VRK2: variants seen among roughly 807,000 people sequenced by gnomAD.
VRK2 encodes VRK serine/threonine kinase 2.
VRK2 carries 60 observed loss-of-function variants against 57.6 expected under a neutral mutation model. The ratio of observed to expected loss-of-function variants is 1.04; its 90% CI spans 0.85 to 1.29. VRK2 has a LOEUF of 1.29. Among genes scored for constraint, VRK2 ranks in the 50% most tolerant of loss-of-function variants. VRK2 has a pLI of 0.00. For missense variants in VRK2, 705 were observed against 588.1 expected (o/e 1.20, Z -2.06); for synonymous variants, 231 against 199.2 (o/e 1.16, Z -1.35).
chr2:58,052,458 G>C (rs1422515111), intron 2 of VRK2, among the ~76,000 whole-genome samples: 2 of 151,980 alleles, frequency 1.3e-5, no homozygotes, highest in African/African-American at 4.8e-5. Flanking sequence ...CAAAAAATTA[G>C]CTGGTTGTGG....
intron 1 of VRK2, among the ~76,000 whole-genome samples, chr2:57,968,149 T>C (rs1282414219): frequency 6.6e-6 from 1 of 151,656 alleles, no homozygotes; most frequent in Non-Finnish European, 1.5e-5. Flanking sequence ...AAAGCCAACC[T>C]GAAACTGCAA....
intron 1 of VRK2, among the ~76,000 whole-genome samples, chr2:57,959,222 C>T (rs1039266679): frequency 8.5e-5 from 13 of 152,080 alleles, no homozygotes; most frequent in African/African-American, 2.7e-4. Context: ...TTAAATAGCA[C>T]AAGGCAATTT....
At chr2:57,930,176 G>A (rs1418367510) in intron 1 of VRK2, among the ~76,000 whole-genome samples, 2 of 152,164 alleles carry the variant, frequency 1.3e-5, no homozygotes, top group African/African-American at 4.8e-5. Flanking sequence ...GGCCTTTCAA[G>A]TTTCTTTGGT....
chr2:58,159,805 A>T lies in VRK2; in HGVS notation c.*112A>T. 1 of 1,612,424 alleles carries T rather than the reference A, an allele frequency of 6.2e-7. No individual in the cohort carries two copies. The highest frequency in any genetic ancestry group is 1.3e-5 in the African/African-American group (1 of 75,010). ...AGACATTTTTAAGGTAATTGGCTTT[A>T]AAAAGAGAACATATTTTAACAAAGT... On this transcript the variant is annotated 3_prime_UTR_variant, in exon 13 of 13. Transcript: ENST00000340157.
At chr2:57,943,370 G>GA (rs1671159290) in intron 1 of VRK2, among the ~76,000 whole-genome samples, 1 of 152,208 alleles carries the variant, frequency 6.6e-6, no homozygotes, top group African/African-American at 2.4e-5. Flanking sequence ...AACTGTATGA[G>GA]AAAAGTTTAT....
At chr2:58,006,696 G>T (rs1673256235) in intron 1 of VRK2, among the ~76,000 whole-genome samples, 2 of 152,146 alleles carry the variant, frequency 1.3e-5, no homozygotes, top group African/African-American at 2.4e-5. Flanking sequence ...TATGGTTACT[G>T]TGAAGGACAG....
In VRK2 at chr2:58,131,827, C is replaced by T. The variant is rs777534671; in HGVS notation, c.696C>T (p.Asp232=). 18 of 1,612,836 alleles carry T rather than the reference C, an allele frequency of 1.1e-5. No homozygotes were observed. The highest frequency in any genetic ancestry group is 2.7e-5 in the African/African-American group (2 of 74,830). Residue 232 remains aspartate, a synonymous_variant, in exon 9 of 13, where the codon GAC becomes GAT. Transcript: ENST00000340157. ...CTATAGCCTTGTCCAGACGAAGTGA[C>T]GTTGAGATCCTCGGCTACTGCATGC... is the stretch of plus-strand genomic sequence containing the variant. ...HKGVALSRRS[D]VEILGYCMLR...
In VRK2 at chr2:58,098,196, T is replaced by A. The variant is rs1673439709; in HGVS notation, c.543+8473T>A. Reference sequence around the variant, plus strand: ...AAAGTATTTTTGTATAGCTATACAATGTTTGTTTAAAGCTAAGTGTTATGA... The same window carrying A: ...AAAGTATTTTTGTATAGCTATACAAAGTTTGTTTAAAGCTAAGTGTTATGA... On this transcript the variant is annotated intron_variant, in intron 7 of 12. Transcript: ENST00000340157. Among the ~76,000 whole-genome samples, 4 of 152,122 alleles carry A rather than the reference T, an allele frequency of 2.6e-5. No homozygotes were observed. The South Asian group carries it at 8.3e-4, about 31-fold the overall frequency.
chr2:58,032,544 T>C (rs1057381802), intron 2 of VRK2, among the ~76,000 whole-genome samples: 1 of 152,086 alleles, frequency 6.6e-6, no homozygotes. Flanking sequence ...TGCAGTTCTC[T>C]GGGTGGCCTT....
At chr2:57,934,092 C>T (rs1572878147) in intron 1 of VRK2, among the ~76,000 whole-genome samples, 1 of 152,230 alleles carries the variant, frequency 6.6e-6, no homozygotes, top group Non-Finnish European at 1.5e-5. Context: ...TATCATGTAT[C>T]TGTTAACAAA....
intron 1 of VRK2, among the ~76,000 whole-genome samples, chr2:58,023,630 GATC>G (rs1187786541): frequency 1.3e-5 from 2 of 150,684 alleles, no homozygotes; most frequent in East Asian, 3.8e-4. Context: ...CAATTAAAAT[GATC>G]ATCAATTTGA....
In VRK2 at chr2:58,128,551, T is replaced by TA. The variant is rs574710503; in HGVS notation, c.677-3254dup. On this transcript the variant is annotated intron_variant, in intron 8 of 12. Coordinates refer to ENST00000340157, the MANE Select transcript of VRK2 (RefSeq NM_006296.7). The stretch of plus-strand genomic sequence containing the variant: ...TTCGCCATGTTGGCCGGGCTGGTCT[T>TA]AAACTCTTGACCTCAGGTGATCTGC... Among the ~76,000 whole-genome samples the TA allele has an allele frequency of 9.7e-4, 147 of 152,170 alleles. 3 individuals are homozygous for TA. Among genetic ancestry groups the TA allele is most frequent in the East Asian group, 5.4e-3 (28 of 5,176 alleles).
intron 2 of VRK2, among the ~76,000 whole-genome samples, chr2:58,031,645 A>G (rs1356529540): frequency 1.3e-5 from 2 of 152,112 alleles, no homozygotes; most frequent in Admixed American, 1.3e-4. Context: ...GATAGCTTAT[A>G]TCTTTCCCAT....
At chr2:57,911,292 G>A (rs571714856) in intron 1 of VRK2, among the ~76,000 whole-genome samples, 1 of 152,198 alleles carries the variant, frequency 6.6e-6, no homozygotes, top group Admixed American at 6.5e-5. Context: ...GACTTGTTCT[G>A]AGAGATGCTC....
chr2:58,060,460 G>C (rs1366774977), intron 2 of VRK2, among the ~76,000 whole-genome samples: 6 of 151,780 alleles, frequency 4.0e-5, no homozygotes, highest in Non-Finnish European at 7.4e-5. Flanking sequence ...ATGATCTGTT[G>C]ATATTGGCAC....
chr2:58,147,400 ACTT>A (rs1470025121), intron 12 of VRK2, among the ~76,000 whole-genome samples: 5 of 151,954 alleles, frequency 3.3e-5, no homozygotes, highest in Non-Finnish European at 5.9e-5. Context: ...GTAAGGAACT[ACTT>A]CACTTAGGCA....
At chr2:58,054,567 G>A (rs1277370295) in intron 2 of VRK2, among the ~76,000 whole-genome samples, 2 of 151,984 alleles carry the variant, frequency 1.3e-5, no homozygotes, top group African/African-American at 2.4e-5. Context: ...TTTAGATAAG[G>A]AAGAAGAGGA....
chr2:58,053,073 C>T (rs1675994679), intron 2 of VRK2, among the ~76,000 whole-genome samples: 1 of 152,176 alleles, frequency 6.6e-6, no homozygotes, highest in African/African-American at 2.4e-5. Flanking sequence ...GAAATTGAGA[C>T]TGAGATTGGA....
intron 12 of VRK2, among the ~76,000 whole-genome samples, chr2:58,151,499 C>T (rs1683020069): frequency 6.6e-6 from 1 of 151,490 alleles, no homozygotes; most frequent in African/African-American, 2.4e-5. Flanking sequence ...ATAGTTGAGC[C>T]TCGCTATTTT....
Sources: gnomAD v4.1 joint callset for allele counts (sites outside exome capture counted in the v4.1 genomes callset) on GRCh38, gnomAD v4.1.1 for gene constraint, MANE v1.5 for transcripts, NCBI Gene and HGNC (gene_info 2026-07-23, HGNC 2026-07-21) for gene names.